The following ADGRG1 variants were observed in gnomAD, a reference collection of about 807,000 sequenced individuals.
The protein encoded by ADGRG1 is adhesion G protein-coupled receptor G1.
ADGRG1 carries 53 observed loss-of-function variants against 73.5 expected under a neutral mutation model. The observed-to-expected ratio is 0.72, with a 90% CI of 0.58 to 0.91. The LOEUF (loss-of-function observed/expected upper bound fraction) is 0.91, where lower values mean the gene tolerates loss of function less well. Ranked by LOEUF, ADGRG1 falls within the 40% of genes least tolerant of loss-of-function variation. The pLI is 0.00. For missense variants in ADGRG1, 795 were observed against 871.8 expected, an observed-to-expected ratio of 0.91 and a Z score of 1.11; for synonymous variants, 394 against 374.4, an observed-to-expected ratio of 1.05 and a Z score of -0.60.
intron 2 of ADGRG1, chr16:57,621,722 C>A: frequency 3.7e-6 from 1 of 272,952 alleles, no homozygotes; most frequent in Non-Finnish European, 5.6e-6. Context: ...TGACCAGAGG[C>A]ACCTGACACC....
intron 3 of ADGRG1, among the ~76,000 whole-genome samples, chr16:57,652,360 GC>G (rs1377340107): frequency 6.6e-6 from 1 of 151,960 alleles, no homozygotes; most frequent in East Asian, 1.9e-4. Flanking sequence ...TTGAGGCAGG[GC>G]TTTCAGGGGT....
At chr16:57,654,443 G>T (rs1299651082) in intron 5 of ADGRG1, among the ~76,000 whole-genome samples, 3 of 142,728 alleles carry the variant, frequency 2.1e-5, no homozygotes, top group Non-Finnish European at 3.0e-5. Flanking sequence ...TTCGAGACAG[G>T]GTCTTGCTTT....
chr16:57,660,225 C>T, intron 11 of ADGRG1: 1 of 984,928 alleles, frequency 1.0e-6, no homozygotes, highest in Non-Finnish European at 1.2e-6. Context: ...TCAACCTCCG[C>T]ATGCCCCTGA....
chr16:57,663,663 G>T lies in ADGRG1; in HGVS notation c.*81G>T. ...GCCTGTGGCCCCCGAGCCCGGCCCA[G>T]CCCCAGGCCAGTCAGCCGCAGACTT... On this transcript the variant is annotated 3_prime_UTR_variant, in exon 14 of 14. Coordinates refer to ENST00000562631, the MANE Select transcript of ADGRG1 (RefSeq NM_201525.4). The T allele has an allele frequency of 6.7e-7, 1 of 1,491,238 alleles. No homozygotes were observed. Among genetic ancestry groups the T allele is most frequent in the Admixed American group, 1.7e-5 (1 of 59,580 alleles). 92.4% of individuals were successfully genotyped at this position (1,491,238 alleles called of 1,614,324 possible).
chr16:57,663,748 TG>T lies in ADGRG1; in HGVS notation c.*169del, dbSNP rs1254517396. 2.6e-6 allele frequency: 2 copies of T among 763,202 alleles called. No homozygotes were observed. Among genetic ancestry groups the T allele is most frequent in the African/African-American group, 3.5e-5 (2 of 57,626 alleles). The allele number at this position is 763,202 out of a possible 1,614,324, so 47.3% of individuals were successfully genotyped here. Reference sequence around the variant, plus strand: ...TGCCATGGTGGACGGACTCCCGGGCTGGGCTTTTGAATTGGCCTTGGGGACT... The same window carrying T: ...TGCCATGGTGGACGGACTCCCGGGCTGGCTTTTGAATTGGCCTTGGGGACT... On this transcript the variant is annotated 3_prime_UTR_variant, in exon 14 of 14. Coordinates refer to ENST00000562631, the MANE Select transcript of ADGRG1 (RefSeq NM_201525.4).
chr16:57,639,861 G>A, intron 1 of ADGRG1: 1 of 967,506 alleles, frequency 1.0e-6, no homozygotes, highest in Non-Finnish European at 1.2e-6. Flanking sequence ...CATTGATGGT[G>A]TAGCCAGTGG....
intron 1 of ADGRG1, chr16:57,630,653 A>T (rs1396484613): frequency 2.5e-6 from 1 of 407,916 alleles, no homozygotes; most frequent in African/African-American, 2.2e-5. Flanking sequence ...TTTGTCAGGG[A>T]TACAAACAAA....
chr16:57,639,665 G>C (rs143105916), intron 1 of ADGRG1: 173 of 985,550 alleles, frequency 1.8e-4, no homozygotes, highest in Non-Finnish European at 2.0e-4. Context: ...CCACAAAGGA[G>C]TCCAGGTACG....
In ADGRG1 at chr16:57,635,814, C is replaced by T. The variant is rs556253447; in HGVS notation, c.-36+7012C>T. ...CCATGCTCCTTTGGATCCAGTTTTACGAGCTCTGTGTCCCTGGGCAAGCTC... is the reference window on the plus strand; with the variant it reads ...CCATGCTCCTTTGGATCCAGTTTTATGAGCTCTGTGTCCCTGGGCAAGCTC... On this transcript the variant is annotated intron_variant, in intron 1 of 13. Coordinates refer to ENST00000562631, the MANE Select transcript of ADGRG1 (RefSeq NM_201525.4). 126 of 985,382 alleles carry T rather than the reference C, an allele frequency of 1.3e-4. No homozygotes were observed. In the African/African-American group the frequency reaches 1.6e-3, roughly 12 times the overall value. The allele number at this position is 985,382 out of a possible 1,614,324, so 61.0% of individuals were successfully genotyped here. A position where few individuals can be genotyped will look rare whatever the true frequency, so the allele number is the denominator to read the frequency against.
chr16:57,637,478 C>T, intron 1 of ADGRG1: 7 of 985,360 alleles, frequency 7.1e-6, no homozygotes, highest in Non-Finnish European at 7.2e-6. Context: ...CCCCAGGTCC[C>T]CTGAACCACA....
At position 57,655,442 on chromosome 16, in the gene ADGRG1, G is replaced by T. The variant is rs575567117; in HGVS notation, c.812G>T (p.Arg271Leu). ...ATGGAGTACTCGGTGCTGCTGCCTC[G>T]AACACTCTTCCAGAGGACGAAAGGC... ...EIMEYSVLLP[R>L]TLFQRTKGRS... The change falls in exon 6 of 14, where the codon CGA (arginine) becomes CTA (leucine). Residue 271 changes from arginine (R) to leucine (L), a missense_variant. Physicochemically the swap from Arg to Leu is moderately radical, Grantham distance 102. Coordinates refer to ENST00000562631, the MANE Select transcript of ADGRG1 (RefSeq NM_201525.4). 1 of 1,613,724 alleles carries T rather than the reference G, an allele frequency of 6.2e-7. No individual in the cohort carries two copies. The highest frequency in any genetic ancestry group is 1.1e-5 in the South Asian group (1 of 91,068).
chr16:57,662,780 G>A (rs2148638826), intron 13 of ADGRG1: 1 of 189,900 alleles, frequency 5.3e-6, no homozygotes, highest in Non-Finnish European at 9.8e-6. Flanking sequence ...ATGTACCTGT[G>A]TGTGTACATT....
Position 57,654,241 on chromosome 16 carries a change from G to T in ADGRG1, c.768+108G>T, listed in dbSNP as rs12445163. The T allele has an allele frequency of 0.031, 34,987 of 1,138,230 alleles. 2,044 individuals are homozygous for T. The highest frequency in any genetic ancestry group is 0.16 in the South Asian group (11,109 of 69,236). 70.5% of individuals were successfully genotyped at this position (1,138,230 alleles called of 1,614,324 possible). ...CTCAGTGCCGTCGCAGCCTCTCCCT[G>T]GGGCCTCCCGAGAAGGTTCCAGGCC... On this transcript the variant is annotated intron_variant, in intron 5 of 13. Coordinates refer to ENST00000562631, the MANE Select transcript of ADGRG1 (RefSeq NM_201525.4).
intron 2 of ADGRG1, among the ~76,000 whole-genome samples, chr16:57,622,410 G>A (rs1443460028): frequency 2.6e-5 from 4 of 152,122 alleles, no homozygotes; most frequent in South Asian, 4.1e-4. Flanking sequence ...CTAGCTGGGC[G>A]CCAGGTAGGG....
intron 1 of ADGRG1, among the ~76,000 whole-genome samples, chr16:57,649,338 T>C (rs754883193): frequency 5.9e-5 from 9 of 152,114 alleles, no homozygotes; most frequent in Non-Finnish European, 1.3e-4. Flanking sequence ...CCCACAGAGA[T>C]GGATCAGGTG....
chr16:57,657,625 G>A, intron 10 of ADGRG1, 134 bp downstream of exon 10: 2 of 777,058 alleles, frequency 2.6e-6, no homozygotes, highest in Non-Finnish European at 4.6e-6. Flanking sequence ...GGAGCTGTTT[G>A]GGGTAAGCTG....
chr16:57,652,050 G>A, intron 3 of ADGRG1: 1 of 1,069,044 alleles, frequency 9.4e-7, no homozygotes, highest in Non-Finnish European at 1.1e-6. Flanking sequence ...AGGAAACTGG[G>A]GCACAGAGAG....
At chr16:57,626,350 A>T (rs1205598818), upstream of ADGRG1, among the ~76,000 whole-genome samples, 4 of 152,190 alleles carry the variant, frequency 2.6e-5, no homozygotes, top group African/African-American at 9.6e-5. Context: ...CTCATAACAG[A>T]TAGTGTTGTG....
chr16:57,628,253 C>T (rs1015425918), upstream of ADGRG1: 42 of 885,014 alleles, frequency 4.7e-5, no homozygotes, highest in Admixed American at 4.3e-4. Context: ...GGGGGGTGGG[C>T]GGACAGCATC....
Sources: gnomAD v4.1 joint callset for allele counts (sites outside exome capture counted in the v4.1 genomes callset) on GRCh38, gnomAD v4.1.1 for gene constraint, MANE v1.5 for transcripts, NCBI Gene and HGNC (gene_info 2026-07-23, HGNC 2026-07-21) for gene names.